The following FSTL4 variants were observed in gnomAD, a reference collection of about 807,000 sequenced individuals.
FSTL4 encodes the protein follistatin-related protein 4.
In FSTL4, 28 loss-of-function variants were observed where a neutral mutation model predicts 78.2. The observed-to-expected ratio is 0.36, with a 90% confidence interval of 0.27 to 0.49. The LOEUF is 0.49. Among genes scored for constraint, FSTL4 ranks in the 20% least tolerant of loss-of-function variants. The pLI is 0.98. For missense variants in FSTL4, 922 were observed against 1,084.9 expected (o/e 0.85, Z 2.11); for synonymous variants, 422 against 440.5 (o/e 0.96, Z 0.53).
the FSTL4 span, among the ~76,000 whole-genome samples, chr5:133,767,992 T>C: frequency 6.6e-6 from 1 of 152,138 alleles, no homozygotes; most frequent in Non-Finnish European, 1.5e-5. Context: ...GGGAAAGGAT[T>C]TTGAAAGAAG....
intron 4 of FSTL4, among the ~76,000 whole-genome samples, chr5:133,337,924 A>G (rs1317355036): frequency 6.6e-6 from 1 of 152,162 alleles, no homozygotes; most frequent in Non-Finnish European, 1.5e-5. Flanking sequence ...AGAAATGGAG[A>G]TCAAATGTGA....
chr5:133,613,020 C>T (rs1050554025), upstream of FSTL4, among the ~76,000 whole-genome samples: 1 of 152,192 alleles, frequency 6.6e-6, no homozygotes, highest in East Asian at 1.9e-4. Flanking sequence ...CTGAATCTTC[C>T]CTCTTCCAAC....
At chr5:133,283,052 C>T (rs1180100501) in intron 6 of FSTL4, among the ~76,000 whole-genome samples, 1 of 152,164 alleles carries the variant, frequency 6.6e-6, no homozygotes, top group African/African-American at 2.4e-5. Flanking sequence ...AGGAGATGTA[C>T]CCCACCAAAG....
chr5:133,628,284 A>G, the FSTL4 span, among the ~76,000 whole-genome samples: 2 of 152,220 alleles, frequency 1.3e-5, no homozygotes, highest in African/African-American at 2.4e-5. Context: ...TGAAAGAGAC[A>G]GAGACACAAA....
chr5:133,596,180 G>T (rs974103297), intron 2 of FSTL4, among the ~76,000 whole-genome samples: 1 of 152,134 alleles, frequency 6.6e-6, no homozygotes, highest in South Asian at 2.1e-4. Flanking sequence ...CAGCCAAGCA[G>T]GCCACCAGAA....
intron 3 of FSTL4, among the ~76,000 whole-genome samples, chr5:133,444,508 A>G (rs1236688400): frequency 6.6e-6 from 1 of 152,204 alleles, no homozygotes; most frequent in African/African-American, 2.4e-5. Context: ...GGTGATCAAA[A>G]AAGGTCTGTT....
the FSTL4 span, among the ~76,000 whole-genome samples, chr5:133,686,278 C>T: frequency 6.6e-6 from 1 of 152,212 alleles, no homozygotes; most frequent in African/African-American, 2.4e-5. Context: ...TAAGCAGTGT[C>T]ATCAAACTCT....
At chr5:133,242,000 C>G (rs1751889069) in intron 7 of FSTL4, among the ~76,000 whole-genome samples, 1 of 152,216 alleles carries the variant, frequency 6.6e-6, no homozygotes, top group African/African-American at 2.4e-5. Flanking sequence ...AAAACTCTTA[C>G]ACATTGTTGG....
At chr5:133,372,130 C>T (rs1156526189) in intron 4 of FSTL4, among the ~76,000 whole-genome samples, 4 of 152,178 alleles carry the variant, frequency 2.6e-5, no homozygotes, top group Admixed American at 6.5e-5. Context: ...AGGTAAAGGG[C>T]CATCAGCTTT....
chr5:133,200,597 G>A (rs1283094830), intron 15 of FSTL4, among the ~76,000 whole-genome samples: 3 of 152,222 alleles, frequency 2.0e-5, no homozygotes, highest in South Asian at 2.1e-4. Flanking sequence ...AGGTAGGTGG[G>A]AGTTGCTCAA....
the FSTL4 span, among the ~76,000 whole-genome samples, chr5:133,750,823 G>C: frequency 6.6e-6 from 1 of 152,008 alleles, no homozygotes; most frequent in African/African-American, 2.4e-5. Context: ...TGCAGGGCTG[G>C]GGCACAAAAC....
intron 3 of FSTL4, among the ~76,000 whole-genome samples, chr5:133,551,661 A>G (rs1759693957): frequency 6.6e-6 from 1 of 152,248 alleles, no homozygotes; most frequent in Admixed American, 6.5e-5. Context: ...TGGAGGAGCC[A>G]ACAGTATCTT....
upstream of FSTL4, among the ~76,000 whole-genome samples, chr5:133,612,832 G>A (rs1580823161): frequency 6.6e-6 from 1 of 152,158 alleles, no homozygotes; most frequent in Non-Finnish European, 1.5e-5. The surrounding 1 kb of genome is among the most constrained non-coding windows in gnomAD (Gnocchi z 6.2). Flanking sequence ...TCCGGGCCAG[G>A]TTCCCCAAAG....
At chr5:133,520,603 A>G (rs576338275) in intron 3 of FSTL4, among the ~76,000 whole-genome samples, 6 of 152,282 alleles carry the variant, frequency 3.9e-5, no homozygotes, top group Admixed American at 1.3e-4. Flanking sequence ...TGCTGTCAGC[A>G]AGTGTAATCT....
chr5:133,483,816 C>G (rs1217376838), intron 3 of FSTL4, among the ~76,000 whole-genome samples: 1 of 152,214 alleles, frequency 6.6e-6, no homozygotes, highest in Non-Finnish European at 1.5e-5. Context: ...TGTTATACAG[C>G]TCCCAGGCTG....
At chr5:133,616,996 C>T (rs1277393578), upstream of FSTL4, among the ~76,000 whole-genome samples, 1 of 152,134 alleles carries the variant, frequency 6.6e-6, no homozygotes, top group African/African-American at 2.4e-5. Context: ...ACTGCCACTA[C>T]TTCAGATCAA....
chr5:133,381,442 A>G (rs1755567720), intron 4 of FSTL4, among the ~76,000 whole-genome samples: 1 of 152,244 alleles, frequency 6.6e-6, no homozygotes, highest in Admixed American at 6.5e-5. Context: ...TTCAAAAACA[A>G]GAGAAAGTAA....
At chr5:133,831,139 A>G in the FSTL4 span, among the ~76,000 whole-genome samples, 1 of 152,178 alleles carries the variant, frequency 6.6e-6, no homozygotes, top group African/African-American at 2.4e-5. Context: ...AAGGCTGTCC[A>G]CCACAAGGTA....
chr5:133,610,065 A>C (rs552704059), intron 1 of FSTL4, among the ~76,000 whole-genome samples: 1 of 152,342 alleles, frequency 6.6e-6, no homozygotes, highest in East Asian at 1.9e-4. Context: ...CTAGTCTCTG[A>C]ATATAGTGTT....
Sources: gnomAD v4.1 joint callset for allele counts (sites outside exome capture counted in the v4.1 genomes callset) on GRCh38, gnomAD v4.1.1 for gene constraint, Gnocchi (gnomAD v3.1) non-coding constraint, MANE v1.5 for transcripts, NCBI Gene and HGNC (gene_info 2026-07-23, HGNC 2026-07-21) for gene names.